CNTNAP2: variants seen among roughly 807,000 people sequenced by gnomAD.
The protein encoded by CNTNAP2 is contactin associated protein 2.
CNTNAP2 carries 98 observed loss-of-function variants against 155.2 expected under a neutral mutation model. That is an observed-to-expected ratio of 0.63 (90% CI 0.54 to 0.75). The LOEUF (loss-of-function observed/expected upper bound fraction) is 0.75, where lower values mean the gene tolerates loss of function less well. CNTNAP2 is among the 30% of genes least tolerant of loss of function. The pLI, the probability that CNTNAP2 is intolerant of heterozygous loss-of-function variation, is 0.00. For missense variants in CNTNAP2, 1,727 were observed against 1,688.1 expected (o/e 1.02, Z -0.40); for synonymous variants, 651 against 631.2 (o/e 1.03, Z -0.47).
At chr7:147,621,690 C>G (rs1270332443) in intron 12 of CNTNAP2, among the ~76,000 whole-genome samples, 1 of 151,838 alleles carries the variant, frequency 6.6e-6, no homozygotes, top group Admixed American at 6.6e-5. Flanking sequence ...CAGAGAAGAT[C>G]ACCTTCACTA....
chr7:146,306,211 A>G (rs61605902), intron 1 of CNTNAP2, among the ~76,000 whole-genome samples: 17,475 of 152,054 alleles, frequency 0.11, 3,003 homozygotes, highest in African/African-American at 0.37. Context: ...GAGTTGAATC[A>G]CTGAATAGAC....
At chr7:146,380,239 T>A (rs140347266) in intron 1 of CNTNAP2, among the ~76,000 whole-genome samples, 142 of 152,334 alleles carry the variant, frequency 9.3e-4, no homozygotes, top group African/African-American at 3.3e-3. Flanking sequence ...ATAGCTACCA[T>A]GAAAGGTAAT....
At position 146,501,113 on chromosome 7, in the gene CNTNAP2, G is replaced by T. The variant is rs191134553; in HGVS notation, c.98-273158G>T. 5.2e-4 allele frequency among the ~76,000 whole-genome samples: 79 copies of T among 151,706 alleles called. 1 individual carries two copies. The East Asian group carries it at 0.014, about 26-fold the overall frequency. ...ATTTTTGTATATATTTTTGGATGAT[G>T]CAGTCTGCTAGTATTTTTGTTGAGG... is the stretch of plus-strand genomic sequence containing the variant. On this transcript the variant is annotated intron_variant, in intron 1 of 23. Transcript: ENST00000361727.
chr7:148,272,664 C>G (rs1013715728), intron 21 of CNTNAP2, among the ~76,000 whole-genome samples: 11 of 151,934 alleles, frequency 7.2e-5, no homozygotes, highest in African/African-American at 2.7e-4. Context: ...ATACAATCAC[C>G]TAAATAGAAG....
chr7:147,589,177 T>TA (rs1254538455), intron 12 of CNTNAP2, among the ~76,000 whole-genome samples: 2 of 152,208 alleles, frequency 1.3e-5, no homozygotes, highest in African/African-American at 4.8e-5. Context: ...TTATTTTGTT[T>TA]AAAAAACAAA....
At chr7:147,252,876 T>C (rs1030234090) in intron 8 of CNTNAP2, among the ~76,000 whole-genome samples, 3 of 152,230 alleles carry the variant, frequency 2.0e-5, no homozygotes, top group African/African-American at 7.2e-5. Flanking sequence ...ACTGAAAGTT[T>C]AAATAGCTAG....
intron 3 of CNTNAP2, among the ~76,000 whole-genome samples, chr7:146,893,322 A>G (rs1437780497): frequency 1.3e-5 from 2 of 151,974 alleles, no homozygotes; most frequent in Non-Finnish European, 2.9e-5. Flanking sequence ...AGAGTTATAA[A>G]ATGCAGTGAT....
intron 14 of CNTNAP2, among the ~76,000 whole-genome samples, chr7:147,933,130 A>T (rs893969280): frequency 2.6e-5 from 4 of 151,808 alleles, no homozygotes; most frequent in Non-Finnish European, 4.4e-5. Flanking sequence ...CCCAGGCTGG[A>T]TGGCTATTGT....
At chr7:146,378,476 C>A (rs1795335831) in intron 1 of CNTNAP2, among the ~76,000 whole-genome samples, 1 of 152,144 alleles carries the variant, frequency 6.6e-6, no homozygotes, top group Admixed American at 6.5e-5. Context: ...ATTTCAAGTA[C>A]TTTATGTGCA....
intron 1 of CNTNAP2, among the ~76,000 whole-genome samples, chr7:146,149,979 G>A (rs982279109): frequency 6.6e-6 from 1 of 150,830 alleles, no homozygotes; most frequent in Non-Finnish European, 1.5e-5. Context: ...AACACTAAGA[G>A]AATGAAAAAG....
At chr7:147,750,208 A>T (rs1016117717) in intron 13 of CNTNAP2, among the ~76,000 whole-genome samples, 2 of 152,230 alleles carry the variant, frequency 1.3e-5, no homozygotes, top group Non-Finnish European at 2.9e-5. Flanking sequence ...TGGATTTTAC[A>T]TAGAAAAACC....
At chr7:147,492,991 T>TAA (rs1798636366) in intron 11 of CNTNAP2, among the ~76,000 whole-genome samples, 1 of 152,194 alleles carries the variant, frequency 6.6e-6, no homozygotes, top group Non-Finnish European at 1.5e-5. Flanking sequence ...CCCCAGAACT[T>TAA]AAAGTATAAT....
rs114490608 is a variant in CNTNAP2, at chr7:147,179,942, G to C, written c.1348+47433G>C. 3.7e-3 allele frequency among the ~76,000 whole-genome samples: 559 copies of C among 152,282 alleles called. 4 individuals are homozygous for C. The highest frequency in any genetic ancestry group is 0.013 in the African/African-American group (541 of 41,566). ...CCCCAGGTTGTGACAAAAGTGAATT[G>C]AGTCCATAGGAACAGGTGTCAGGGA... On this transcript the variant is annotated intron_variant, in intron 8 of 23. Transcript: ENST00000361727.
chr7:146,353,356 C>G (rs1482053700), intron 1 of CNTNAP2, among the ~76,000 whole-genome samples: 1 of 152,122 alleles, frequency 6.6e-6, no homozygotes, highest in Non-Finnish European at 1.5e-5. Context: ...CTTGATTTTC[C>G]TTTTACATTA....
chr7:148,238,793 T>G (rs989014668), intron 20 of CNTNAP2, among the ~76,000 whole-genome samples: 2 of 152,200 alleles, frequency 1.3e-5, no homozygotes, highest in African/African-American at 4.8e-5. Context: ...TGTAGAAACA[T>G]GGAGCCCAGA....
chr7:148,140,413 T>C (rs1417213294), intron 16 of CNTNAP2, among the ~76,000 whole-genome samples: 2 of 149,930 alleles, frequency 1.3e-5, no homozygotes, highest in Non-Finnish European at 3.0e-5. Flanking sequence ...CCCATCTTTT[T>C]TCTTTTTCTT....
At position 147,128,676 on chromosome 7, in the gene CNTNAP2, A is replaced by T. The variant is rs374812409; in HGVS notation, c.940-17A>T. 477 of 1,613,738 alleles carry T rather than the reference A, an allele frequency of 3.0e-4. No individual in the cohort carries two copies. The highest frequency in any genetic ancestry group is 3.8e-4 in the Non-Finnish European group (446 of 1,179,744). On this transcript the variant is annotated splice_polypyrimidine_tract_variant and intron_variant, in intron 6 of 23. Coordinates refer to ENST00000361727, the MANE Select transcript of CNTNAP2 (RefSeq NM_014141.6). ...AATACAATGTGGACGTTTACATTTA[A>T]TTTCTTTTTCTCAAAGATAACCTTT...
intron 10 of CNTNAP2, among the ~76,000 whole-genome samples, chr7:147,455,690 AAAAG>A (rs1797907009): frequency 6.7e-6 from 1 of 149,282 alleles, no homozygotes; most frequent in African/African-American, 2.4e-5. Flanking sequence ...AGAATTTACC[AAAAG>A]AAAGCAAAAA....
intron 1 of CNTNAP2, among the ~76,000 whole-genome samples, chr7:146,425,659 A>G (rs895084479): frequency 1.3e-5 from 2 of 152,162 alleles, no homozygotes; most frequent in Admixed American, 6.5e-5. Context: ...AGGAATTGAA[A>G]TGCCACAGTA....
Sources: allele counts gnomAD v4.1 joint callset (sites outside exome capture counted in the v4.1 genomes callset), GRCh38; gene constraint gnomAD v4.1.1; transcripts MANE v1.5; gene names NCBI Gene and HGNC (gene_info 2026-07-23, HGNC 2026-07-21).